SLC23A2: variants seen among roughly 807,000 people sequenced by gnomAD.
The protein encoded by SLC23A2 is solute carrier family 23 member 2, also known as Na(+)/L-ascorbic acid transporter 2.
In SLC23A2, 36 loss-of-function variants were observed where a neutral mutation model predicts 73.3. The ratio of observed to expected loss-of-function variants is 0.49; its 90% CI spans 0.38 to 0.65. The LOEUF is 0.65. SLC23A2 is among the 30% of genes least tolerant of loss of function. The pLI is 0.00. For synonymous variants in SLC23A2, 343 were observed against 327.3 expected, an observed-to-expected ratio of 1.05 and a Z score of -0.52; for missense variants, 507 against 841.6, an observed-to-expected ratio of 0.60 and a Z score of 4.92.
At chr20:4,985,834 G>A (rs1216959848) in intron 1 of SLC23A2, among the ~76,000 whole-genome samples, 1 of 152,148 alleles carries the variant, frequency 6.6e-6, no homozygotes, top group African/African-American at 2.4e-5. Flanking sequence ...CCAGAGGCTG[G>A]GTGAAAAGGG....
intron 15 of SLC23A2, among the ~76,000 whole-genome samples, chr20:4,860,290 C>T (rs914534530): frequency 2.6e-5 from 4 of 152,340 alleles, no homozygotes; most frequent in East Asian, 1.9e-4. Flanking sequence ...ATCTGAGCCA[C>T]GCCACATACA....
rs763066119 is a variant in SLC23A2, at chr20:4,883,739, C to T, written c.727G>A (p.Gly243Ser). ...ACCGTGGGTGTAATGGTCAAGGGAC[C>T]GATGTACTTCAGTAGAGCCCCAGGC... ...GLPGALLKYIGPLTITPTVAL... is the reference protein window; with the variant it reads ...GLPGALLKYISPLTITPTVAL... The change falls in exon 9 of 17, where the codon GGT (glycine) becomes AGT (serine). Residue 243 changes from glycine to serine, a missense_variant. Coordinates refer to ENST00000338244, the MANE Select transcript of SLC23A2 (RefSeq NM_005116.6). This position sits in a 1 kb window ranked among gnomAD's most constrained non-coding sequence, Gnocchi z 4.5. 6.8e-6 allele frequency: 11 copies of T among 1,613,706 alleles called. No homozygotes were observed. In the African/African-American group the frequency reaches 9.3e-5, roughly 14 times the overall value.
chr20:4,972,850 C>T (rs1195077550), intron 1 of SLC23A2, among the ~76,000 whole-genome samples: 1 of 151,748 alleles, frequency 6.6e-6, no homozygotes, highest in Non-Finnish European at 1.5e-5. Flanking sequence ...TCCCAAAGTG[C>T]TGGGATTACA....
chr20:4,911,498 T>C (rs1023437201), intron 4 of SLC23A2, among the ~76,000 whole-genome samples: 3 of 152,202 alleles, frequency 2.0e-5, no homozygotes, highest in African/African-American at 7.2e-5. Context: ...AATACCCAAC[T>C]CAGGTACTAT....
chr20:4,997,815 T>C (rs1199858337), intron 1 of SLC23A2, among the ~76,000 whole-genome samples: 1 of 151,726 alleles, frequency 6.6e-6, no homozygotes, highest in Non-Finnish European at 1.5e-5. Context: ...TTATTTTATT[T>C]TGTAGAGACA....
chr20:4,981,993 GC>G (rs1228732988), intron 1 of SLC23A2, among the ~76,000 whole-genome samples: 1 of 150,682 alleles, frequency 6.6e-6, no homozygotes, highest in Non-Finnish European at 1.5e-5. Context: ...GAGCCACCGT[GC>G]CCAGCCTCTT....
At chr20:4,924,616 A>G (rs73894175) in intron 3 of SLC23A2, among the ~76,000 whole-genome samples, 8,658 of 152,254 alleles carry the variant, frequency 0.057, 388 homozygotes, top group South Asian at 0.11. Context: ...GAGGCCCACA[A>G]GACCTATGGA....
intron 5 of SLC23A2, among the ~76,000 whole-genome samples, chr20:4,900,827 T>C (rs1931716882): frequency 1.3e-5 from 2 of 152,048 alleles, no homozygotes. Context: ...TGTTGACCAG[T>C]TCTTATTTCT....
At chr20:4,911,404 C>T (rs1373766305) in intron 4 of SLC23A2, among the ~76,000 whole-genome samples, 1 of 152,112 alleles carries the variant, frequency 6.6e-6, no homozygotes, top group Non-Finnish European at 1.5e-5. Context: ...TTTAAAAGGG[C>T]ATAAAATTTG....
chr20:4,937,350 C>T (rs988219195), intron 2 of SLC23A2, among the ~76,000 whole-genome samples: 3 of 152,094 alleles, frequency 2.0e-5, no homozygotes, highest in African/African-American at 7.2e-5. Flanking sequence ...TTTTCCTACC[C>T]TTTGCAAAAG....
intron 1 of SLC23A2, among the ~76,000 whole-genome samples, chr20:4,990,911 G>T (rs1305265827): frequency 6.8e-6 from 1 of 146,196 alleles, no homozygotes; most frequent in Non-Finnish European, 1.5e-5. Context: ...GAAGGAGGTT[G>T]CAGTGAGCTG....
Position 4,883,580 on chromosome 20 carries a change from T to C in SLC23A2, c.824+62A>G, listed in dbSNP as rs1930977396. On this transcript the variant is annotated intron_variant, in intron 9 of 16. Coordinates refer to ENST00000338244, the MANE Select transcript of SLC23A2 (RefSeq NM_005116.6). This position sits in a 1 kb window ranked among gnomAD's most constrained non-coding sequence, Gnocchi z 4.5. Reference sequence around the variant, plus strand: ...TTGAAAAACATTATCTCCTGAAGTCTGTGTGAATGTTCCTAAAGGCTGCCC... The same window carrying C: ...TTGAAAAACATTATCTCCTGAAGTCCGTGTGAATGTTCCTAAAGGCTGCCC... The C allele has an allele frequency of 2.6e-6, 3 of 1,137,850 alleles. No individual in the cohort carries two copies. Among genetic ancestry groups the C allele is most frequent in the East Asian group, 5.0e-5 (2 of 40,226 alleles). 70.5% of individuals were successfully genotyped at this position (1,137,850 alleles called of 1,614,324 possible). A position where few individuals can be genotyped will look rare whatever the true frequency, so the allele number is the denominator to read the frequency against.
rs1568612941 is a variant in SLC23A2, at chr20:4,894,718, G to GCAAAGACACACATCTGTTTCACTGTGTCT, written c.482+4836_482+4837insAGACACAGTGAAACAGATGTGTGTCTTTG. Reference sequence around the variant, plus strand: ...CAAGTTCCCCCAGGCCCTCCCTTTCGTCTGCAAAGACACACATCTGTTTCA... The same window carrying GCAAAGACACACATCTGTTTCACTGTGTCT: ...CAAGTTCCCCCAGGCCCTCCCTTTCGCAAAGACACACATCTGTTTCACTGTGTCTTCTGCAAAGACACACATCTGTTTCA... On this transcript the variant is annotated intron_variant, in intron 6 of 16. Coordinates refer to ENST00000338244, the MANE Select transcript of SLC23A2 (RefSeq NM_005116.6). Among the ~76,000 whole-genome samples, 3 of 152,040 alleles carry GCAAAGACACACATCTGTTTCACTGTGTCT rather than the reference G, an allele frequency of 2.0e-5. No homozygotes were observed. In the East Asian group the frequency reaches 5.9e-4, roughly 30 times the overall value.
chr20:4,943,448 G>A (rs2087073380), intron 2 of SLC23A2, among the ~76,000 whole-genome samples: 3 of 151,752 alleles, frequency 2.0e-5, no homozygotes, highest in South Asian at 4.2e-4. Context: ...CAGGCGGATC[G>A]CTTGAGCCCA....
intron 2 of SLC23A2, among the ~76,000 whole-genome samples, chr20:4,955,746 G>A (rs1002025589): frequency 1.7e-4 from 26 of 151,960 alleles, no homozygotes; most frequent in Non-Finnish European, 3.7e-4. Flanking sequence ...CAGAGATGGG[G>A]CCGCTGTACT....
At position 4,982,722 on chromosome 20, in the gene SLC23A2, C is replaced by T. The variant is rs6084952; in HGVS notation, c.-281-11803G>A. Among the ~76,000 whole-genome samples, 877 of 152,134 alleles carry T rather than the reference C, an allele frequency of 5.8e-3. 4 individuals are homozygous for T. The highest frequency in any genetic ancestry group is 9.3e-3 in the Non-Finnish European group (635 of 68,000). On this transcript the variant is annotated intron_variant, in intron 1 of 16. Transcript: ENST00000338244. ...TACAATTGAGAATCCAGAAATAAAC[C>T]TAAATATGTGATTTTCAAAAAAGGG...
chr20:4,926,820 T>G (rs1176121353), intron 3 of SLC23A2, among the ~76,000 whole-genome samples: 1 of 152,038 alleles, frequency 6.6e-6, no homozygotes, highest in African/African-American at 2.4e-5. Flanking sequence ...TTTATTTTGT[T>G]TAAAGATCTG....
rs550386415 is a variant in SLC23A2, at chr20:4,871,418, AGGGTGG to A, written c.1103-1371_1103-1366del. On this transcript the variant is annotated intron_variant, in intron 11 of 16. Coordinates refer to ENST00000338244, the MANE Select transcript of SLC23A2 (RefSeq NM_005116.6). The stretch of plus-strand genomic sequence containing the variant: ...CCCTCCAGGGATCGGGAGGGTCTGG[AGGGTGG>A]GGTTTGAGGGTGTTCTGGTGAACGC... Among the ~76,000 whole-genome samples the A allele has an allele frequency of 1.9e-4, 29 of 152,074 alleles. No individual in the cohort carries two copies. The East Asian group carries it at 5.0e-3, about 26-fold the overall frequency.
intron 4 of SLC23A2, among the ~76,000 whole-genome samples, chr20:4,903,093 T>C (rs1931812713): frequency 8.3e-6 from 1 of 120,226 alleles, no homozygotes; most frequent in South Asian, 2.6e-4. Context: ...AAAAGAGTAA[T>C]TCTAAAGTAT....
Sources: allele counts gnomAD v4.1 joint callset (sites outside exome capture counted in the v4.1 genomes callset), GRCh38; gene constraint gnomAD v4.1.1; non-coding constraint Gnocchi (gnomAD v3.1); transcripts MANE v1.5; gene names NCBI Gene and HGNC (gene_info 2026-07-23, HGNC 2026-07-21).